Variants in NDST3 observed in about 807,000 individuals in gnomAD.
NDST3 encodes the protein N-deacetylase and N-sulfotransferase 3.
A neutral mutation model predicts 96.1 loss-of-function variants in NDST3; 58 were observed. The observed-to-expected ratio is 0.60, with a 90% CI of 0.49 to 0.75. The LOEUF is 0.75. Ranked by LOEUF, NDST3 falls within the 30% of genes least tolerant of loss-of-function variation. The pLI, the probability that NDST3 is intolerant of heterozygous loss-of-function variation, is 0.00. For missense variants in NDST3, 788 were observed against 1,034.2 expected (o/e 0.76, Z 3.27); for synonymous variants, 333 against 359.7 (o/e 0.93, Z 0.84).
intron 2 of NDST3, among the ~76,000 whole-genome samples, chr4:118,065,648 T>C (rs1310137967): frequency 6.6e-6 from 1 of 152,048 alleles, no homozygotes; most frequent in African/African-American, 2.4e-5. Context: ...CATTTCATTA[T>C]ACTTTTATTT....
chr4:118,075,822 G>A (rs1373403592), intron 2 of NDST3, among the ~76,000 whole-genome samples: 3 of 152,146 alleles, frequency 2.0e-5, no homozygotes, highest in African/African-American at 7.2e-5. Context: ...TGGGTAGATT[G>A]CAAAAATTTC....
In NDST3 at chr4:118,255,946, A is replaced by G. The variant is rs1211407044; in HGVS notation, c.*234A>G. 1.3e-5 allele frequency: 4 copies of G among 316,394 alleles called. No homozygotes were observed. The highest frequency in any genetic ancestry group is 2.3e-5 in the Non-Finnish European group (4 of 173,326). The allele number at this position is 316,394 out of a possible 1,614,324, so 19.6% of individuals were successfully genotyped here. A position where few individuals can be genotyped will look rare whatever the true frequency, so the allele number is the denominator to read the frequency against. Reference sequence around the variant, plus strand: ...ATCTGAGCCTGTGGGATTATTGTAGACTACTGTGCACTCATGTGGAAGTCA... The same window carrying G: ...ATCTGAGCCTGTGGGATTATTGTAGGCTACTGTGCACTCATGTGGAAGTCA... On this transcript the variant is annotated 3_prime_UTR_variant, in exon 14 of 14. Transcript: ENST00000296499.
At chr4:118,177,526 T>A (rs1360920539) in intron 6 of NDST3, among the ~76,000 whole-genome samples, 1 of 152,038 alleles carries the variant, frequency 6.6e-6, no homozygotes, top group Non-Finnish European at 1.5e-5. Flanking sequence ...TGTCAGCCTC[T>A]TTTAATTTGG....
intron 2 of NDST3, among the ~76,000 whole-genome samples, chr4:118,095,446 A>C (rs1176457825): frequency 1.3e-5 from 2 of 151,866 alleles, no homozygotes; most frequent in African/African-American, 4.8e-5. Flanking sequence ...TGTAAAGAGC[A>C]TAGGACATGT....
At chr4:118,076,272 T>C (rs541567205) in intron 2 of NDST3, among the ~76,000 whole-genome samples, 1 of 152,308 alleles carries the variant, frequency 6.6e-6, no homozygotes, top group African/African-American at 2.4e-5. Context: ...TGACTATGTG[T>C]CTTGGGAAAG....
chr4:118,236,025 C>T (rs1385782508), intron 9 of NDST3, among the ~76,000 whole-genome samples: 1 of 151,778 alleles, frequency 6.6e-6, no homozygotes, highest in Non-Finnish European at 1.5e-5. Context: ...CAAAAGAAAA[C>T]AAGACACTGT....
chr4:118,097,319 T>C (rs1204676684), intron 2 of NDST3, among the ~76,000 whole-genome samples: 2 of 151,976 alleles, frequency 1.3e-5, no homozygotes, highest in Non-Finnish European at 2.9e-5. Flanking sequence ...CTGTTAATTA[T>C]GAGGCTTATG....
At chr4:118,203,178 T>C (rs938000355) in intron 6 of NDST3, among the ~76,000 whole-genome samples, 10 of 152,280 alleles carry the variant, frequency 6.6e-5, no homozygotes, top group Non-Finnish European at 1.2e-4. Flanking sequence ...TGATCATGTT[T>C]TACTAACTTT....
intron 8 of NDST3, among the ~76,000 whole-genome samples, chr4:118,228,732 T>G (rs1740072809): frequency 6.6e-6 from 1 of 152,170 alleles, no homozygotes; most frequent in South Asian, 2.1e-4. Context: ...CTTGTTCCTT[T>G]GCAGTCTATC....
intron 6 of NDST3, among the ~76,000 whole-genome samples, chr4:118,213,816 T>TGACA (rs1739006904): frequency 1.3e-5 from 2 of 151,746 alleles, no homozygotes; most frequent in Non-Finnish European, 2.9e-5. Flanking sequence ...CATTTTCTGT[T>TGACA]TTTTACCTTG....
rs374835707 is a variant in NDST3 at position 118,242,196 on chromosome 4, G to T, written c.2399+47G>T. ...TTTATTGACATTTCAGCAGAGAATT[G>T]ATTTCAAAGAAATTGCAGTTTGGTC... On this transcript the variant is annotated intron_variant, in intron 12 of 13. Transcript: ENST00000296499. 9 of 1,332,106 alleles carry T rather than the reference G, an allele frequency of 6.8e-6. No individual in the cohort carries two copies. In the African/African-American group the frequency reaches 1.2e-4, roughly 17 times the overall value. The allele number at this position is 1,332,106 out of a possible 1,614,324, so 82.5% of individuals were successfully genotyped here.
chr4:118,185,543 A>G (rs1736895977), intron 6 of NDST3, among the ~76,000 whole-genome samples: 1 of 151,904 alleles, frequency 6.6e-6, no homozygotes, highest in Non-Finnish European at 1.5e-5. Context: ...GACAAATTAA[A>G]TTTAACAGTT....
At chr4:118,124,981 C>T (rs1485620254) in intron 4 of NDST3, among the ~76,000 whole-genome samples, 1 of 152,058 alleles carries the variant, frequency 6.6e-6, no homozygotes, top group Non-Finnish European at 1.5e-5. Context: ...ACCTAAACCT[C>T]AAGTTCCAGA....
At chr4:118,070,151 G>T (rs1050149709) in intron 2 of NDST3, among the ~76,000 whole-genome samples, 2 of 152,074 alleles carry the variant, frequency 1.3e-5, no homozygotes, top group African/African-American at 4.8e-5. Context: ...TTATCTCTGG[G>T]TTTGTTTCTT....
chr4:118,051,024 C>A (rs1451471133), intron 1 of NDST3, among the ~76,000 whole-genome samples: 1 of 152,012 alleles, frequency 6.6e-6, no homozygotes, highest in Non-Finnish European at 1.5e-5. Context: ...AAAGCAGACA[C>A]ATAGACCAAT....
chr4:118,034,564 G>A lies in NDST3; in HGVS notation c.-184G>A, dbSNP rs1242857522. ...TTTCCATCTATTGCAACTTTCTCAA[G>A]CATTTTCAGCTCTGAACTTTAATTC... On this transcript the variant is annotated 5_prime_UTR_variant, in exon 1 of 14. Transcript: ENST00000296499. 6.6e-6 allele frequency: 1 copy of A among 152,104 alleles called. No individual in the cohort carries two copies. The highest frequency in any genetic ancestry group is 1.9e-4 in the East Asian group (1 of 5,194). 9.4% of individuals were successfully genotyped at this position (152,104 alleles called of 1,614,324 possible).
chr4:118,127,972 CTTGT>C lies in NDST3; in HGVS notation c.1225-10079_1225-10076del, dbSNP rs1452070756. On this transcript the variant is annotated intron_variant, in intron 4 of 13. Transcript: ENST00000296499. Reference sequence around the variant, plus strand: ...TACTATAAATGAGATTACATTTTGACTTGTTTTTTACATTGTTCACCATTGGCAT... The same window carrying C: ...TACTATAAATGAGATTACATTTTGACTTTTTACATTGTTCACCATTGGCAT... Among the ~76,000 whole-genome samples the C allele has an allele frequency of 6.6e-5, 10 of 151,774 alleles. No homozygotes were observed. The East Asian group carries it at 1.9e-3, about 29-fold the overall frequency.
At chr4:118,255,518 A>T (rs1742061783) in intron 13 of NDST3, 75 bp from the exon 14 acceptor site, 6 of 1,434,874 alleles carry the variant, frequency 4.2e-6, no homozygotes, top group Non-Finnish European at 5.7e-6. Context: ...CTTGGTACTT[A>T]TTTCAACGTA....
At chr4:118,176,219 C>T (rs1007617516) in intron 6 of NDST3, among the ~76,000 whole-genome samples, 1 of 151,734 alleles carries the variant, frequency 6.6e-6, no homozygotes, top group Non-Finnish European at 1.5e-5. Flanking sequence ...ATGTAACAAA[C>T]CTGCACATCT....
Sources: allele counts gnomAD v4.1 joint callset (sites outside exome capture counted in the v4.1 genomes callset), GRCh38; gene constraint gnomAD v4.1.1; transcripts MANE v1.5; gene names NCBI Gene and HGNC (gene_info 2026-07-23, HGNC 2026-07-21).